IGHMBP2: variants seen among roughly 807,000 people sequenced by gnomAD.
IGHMBP2 encodes DNA-binding protein SMUBP-2.
In IGHMBP2, 81 loss-of-function variants were observed where a neutral mutation model predicts 96.0. The observed-to-expected ratio is 0.84, with a 90% CI of 0.71 to 1.01. The LOEUF (loss-of-function observed/expected upper bound fraction) is 1.01. Ranked by LOEUF, IGHMBP2 falls within the 50% of genes least tolerant of loss-of-function variation. The pLI, the probability that IGHMBP2 is intolerant of heterozygous loss-of-function variation, is 0.00. For missense variants in IGHMBP2, 1,227 were observed against 1,306.3 expected (o/e 0.94, Z 0.94); for synonymous variants, 557 against 548.9 (o/e 1.01, Z -0.21).
At position 68,914,981 on chromosome 11, in the gene IGHMBP2, C is replaced by G. The variant is rs1304304290; in HGVS notation, c.870C>G (p.Ala290=). ...CGGTTTTAGCGCGGAGCGACAGTGC[C>G]CAGATTGTTGCAGATATCAGGAAGG... ...LDAVLARSDS[A]QIVADIRKDI... The change falls in exon 6 of 15, where the codon GCC becomes GCG. Residue 290 remains alanine (A), a synonymous_variant. Transcript: ENST00000255078. 2 of 1,614,104 alleles carry G rather than the reference C, an allele frequency of 1.2e-6. No individual in the cohort carries two copies. Among genetic ancestry groups the G allele is most frequent in the Non-Finnish European group, 1.7e-6 (2 of 1,180,036 alleles).
chr11:68,906,270 A>T lies in IGHMBP2; in HGVS notation c.256+32A>T. ...GCGTATTGACCTAGACAGACATTGA[A>T]ATTTACTGGCATTCAGACCGTGACT... On this transcript the variant is annotated intron_variant, in intron 2 of 14. Transcript: ENST00000255078. 2.5e-6 allele frequency: 4 copies of T among 1,609,874 alleles called. 1 individual carries two copies. The South Asian group carries it at 4.4e-5, about 18-fold the overall frequency.
chr11:68,915,507 G>A (rs1858626475), intron 6 of IGHMBP2, among the ~76,000 whole-genome samples: 1 of 150,180 alleles, frequency 6.7e-6, no homozygotes, highest in Admixed American at 6.6e-5. Flanking sequence ...TTTTGAGATG[G>A]AGTCTCGCTC....
At chr11:68,915,166 C>CTTTTTGTTTTTTTTTTT (rs1858605944) in intron 6 of IGHMBP2, 143 bp downstream of exon 6, 1 of 176,576 alleles carries the variant, frequency 5.7e-6, no homozygotes, top group Non-Finnish European at 9.5e-6. Context: ...TTGGGCTGCC[C>CTTTTTGTTTTTTTTTTT]TTTTTTTTTT....
chr11:68,913,101 G>T (rs1361759484), intron 5 of IGHMBP2, among the ~76,000 whole-genome samples: 1 of 147,060 alleles, frequency 6.8e-6, no homozygotes, highest in African/African-American at 2.5e-5. Flanking sequence ...GAGAAACAAG[G>T]TCAAATGCCC....
At position 68,933,323 on chromosome 11, in the gene IGHMBP2, C is replaced by G. The variant is rs1345673085; in HGVS notation, c.1260C>G (p.Leu420=). 14 of 1,613,000 alleles carry G rather than the reference C, an allele frequency of 8.7e-6. No homozygotes were observed. The highest frequency in any genetic ancestry group is 1.1e-5 in the Non-Finnish European group (13 of 1,179,872). The change falls in exon 9 of 15, where the codon CTC becomes CTG. Residue 420 remains leucine, a synonymous_variant. Transcript: ENST00000255078. ...GGGCTGCGCTGGCAGGACTGTCACT[C>G]AGCCTGATGGAACGCCTGGCTGAGG... ...SHKAALAGLS[L]SLMERLAEEY...
In IGHMBP2 at chr11:68,938,198, T is replaced by C. The variant is rs1188811639; in HGVS notation, c.2628T>C (p.Asp876=). The C allele has an allele frequency of 6.2e-7, 1 of 1,613,964 alleles. No individual in the cohort carries two copies. Among genetic ancestry groups the C allele is most frequent in the Non-Finnish European group, 8.5e-7 (1 of 1,180,040 alleles). The change falls in exon 14 of 15, where the codon GAT becomes GAC. Residue 876 remains aspartate (D), a synonymous_variant. Transcript: ENST00000255078. ...CTTCTCCAGGACATCCGGCCACAGA[T>C]CTGCCCACGGAGGAGGACTTTGAGG... ...KKKAKGHPAT[D]LPTEEDFEAL... is the part of the protein sequence containing the mutation.
At chr11:68,926,526 C>T (rs530765473) in intron 7 of IGHMBP2, among the ~76,000 whole-genome samples, 137 of 152,206 alleles carry the variant, frequency 9.0e-4, no homozygotes, top group Middle Eastern at 3.4e-3. Flanking sequence ...GCCTCAGCCT[C>T]CCAAAGTGCT....
At position 68,910,312 on chromosome 11, in the gene IGHMBP2, C is replaced by T. The variant is rs115217131; in HGVS notation, c.548-1128C>T. Among the ~76,000 whole-genome samples the T allele has an allele frequency of 2.5e-3, 378 of 152,302 alleles. 1 individual carries two copies. Among genetic ancestry groups the T allele is most frequent in the African/African-American group, 7.4e-3 (306 of 41,572 alleles). ...AAATATTTACTGAAGGGCTCCTATGCGTCACAAACTGAATTAGAAATGTAT... is the reference window on the plus strand; with the variant it reads ...AAATATTTACTGAAGGGCTCCTATGTGTCACAAACTGAATTAGAAATGTAT... On this transcript the variant is annotated intron_variant, in intron 4 of 14. Coordinates refer to ENST00000255078, the MANE Select transcript of IGHMBP2 (RefSeq NM_002180.3).
chr11:68,909,949 C>T (rs1858366729), intron 4 of IGHMBP2, among the ~76,000 whole-genome samples: 1 of 152,194 alleles, frequency 6.6e-6, no homozygotes, highest in Non-Finnish European at 1.5e-5. Context: ...TTTTTATGTC[C>T]TTTGCTGTTC....
At chr11:68,910,080 T>G (rs1437576584) in intron 4 of IGHMBP2, among the ~76,000 whole-genome samples, 1 of 152,228 alleles carries the variant, frequency 6.6e-6, no homozygotes, top group African/African-American at 2.4e-5. Context: ...CCAAGCCTCA[T>G]GCAAGGGTTA....
At chr11:68,926,194 A>G (rs773914545) in intron 7 of IGHMBP2, 1 of 149,152 alleles carries the variant, frequency 6.7e-6, no homozygotes, top group Non-Finnish European at 1.5e-5. Flanking sequence ...TTTGCTGATC[A>G]TTCTCTCCTG....
intron 11 of IGHMBP2, 86 bp from the exon 12 acceptor site, chr11:68,935,213 G>A (rs556055659): frequency 2.3e-5 from 36 of 1,554,572 alleles, no homozygotes; most frequent in East Asian, 7.0e-5. Flanking sequence ...GTTTCACAGC[G>A]TGAGGCCCTC....
rs145953567 is a variant in IGHMBP2 at position 68,937,364 on chromosome 11, G to C, written c.2611+273G>C. Among the ~76,000 whole-genome samples, 1,993 of 152,360 alleles carry C rather than the reference G, an allele frequency of 0.013. 33 individuals carry two copies. The highest frequency in any genetic ancestry group is 0.026 in the Admixed American group (396 of 15,304). Reference sequence around the variant, plus strand: ...GAGCATGTCTGCAGCAGCAGGAGGGGCCTGGAAGAGCAAACATGGATGGCT... The same window carrying C: ...GAGCATGTCTGCAGCAGCAGGAGGGCCCTGGAAGAGCAAACATGGATGGCT... On this transcript the variant is annotated intron_variant, in intron 13 of 14. Coordinates refer to ENST00000255078, the MANE Select transcript of IGHMBP2 (RefSeq NM_002180.3).
intron 13 of IGHMBP2, 104 bp from the exon 14 acceptor site, chr11:68,938,078 A>T: frequency 1.6e-6 from 2 of 1,287,296 alleles, no homozygotes; most frequent in Non-Finnish European, 1.1e-6. Flanking sequence ...TGCTGGGATT[A>T]CAGGTGTGAG....
Position 68,938,370 on chromosome 11 carries a change from C to T in IGHMBP2, c.2784+16C>T. 6.3e-7 allele frequency: 1 copy of T among 1,596,590 alleles called. No homozygotes were observed. The highest frequency in any genetic ancestry group is 8.5e-7 in the Non-Finnish European group (1 of 1,172,876). On this transcript the variant is annotated intron_variant, in intron 14 of 14. Transcript: ENST00000255078. Reference sequence around the variant, plus strand: ...CCTGCCCGAGGTATGTCGGCCTCCCCTCCTGCGATCAAACAGTGGGGAGGG... The same window carrying T: ...CCTGCCCGAGGTATGTCGGCCTCCCTTCCTGCGATCAAACAGTGGGGAGGG...
Position 68,936,260 on chromosome 11 carries a change from G to T in IGHMBP2, c.1780G>T (p.Asp594Tyr), listed in dbSNP as rs1417895037. Reference sequence around the variant, plus strand: ...AGGTGAAGTTGGTTTTCTTGCTGAGGACCGGAGGATCAACGTGGCTGTCAC... The same window carrying T: ...AGGTGAAGTTGGTTTTCTTGCTGAGTACCGGAGGATCAACGTGGCTGTCAC... ...RKGEVGFLAEDRRINVAVTRA... is the reference protein window; with the variant it reads ...RKGEVGFLAEYRRINVAVTRA... Residue 594 changes from aspartate (D) to tyrosine (Y), a missense_variant, in exon 13 of 15, where the codon GAC (aspartate) becomes TAC (tyrosine). Transcript: ENST00000255078. 4 of 1,614,024 alleles carry T rather than the reference G, an allele frequency of 2.5e-6. No homozygotes were observed. Among genetic ancestry groups the T allele is most frequent in the Non-Finnish European group, 3.4e-6 (4 of 1,180,044 alleles).
At chr11:68,917,674 T>C in intron 6 of IGHMBP2, 62 bp from the exon 7 acceptor site, 1 of 1,306,606 alleles carries the variant, frequency 7.7e-7, no homozygotes, top group Admixed American at 1.7e-5. Flanking sequence ...ACTTCATAAA[T>C]AGAGTTGAAG....
At position 68,914,818 on chromosome 11, in the gene IGHMBP2, C is replaced by T. The variant is rs1273779717; in HGVS notation, c.712-5C>T. 2 of 1,614,178 alleles carry T rather than the reference C, an allele frequency of 1.2e-6. No homozygotes were observed. Among genetic ancestry groups the T allele is most frequent in the South Asian group, 1.1e-5 (1 of 91,092 alleles). On this transcript the variant is annotated splice_region_variant and splice_polypyrimidine_tract_variant and intron_variant, in intron 5 of 14. Coordinates refer to ENST00000255078, the MANE Select transcript of IGHMBP2 (RefSeq NM_002180.3). ...AATGACCAGATCCTAACTTGCGGTT[C>T]CCAGGTTCTGTGCTGCGCCCCCTCC...
At chr11:68,904,186 G>A in intron 1 of IGHMBP2, 148 bp downstream of exon 1, 1 of 708,648 alleles carries the variant, frequency 1.4e-6, no homozygotes, top group Non-Finnish European at 2.5e-6. Context: ...TCCCCTGCTT[G>A]GCCACCTCCC....
Sources: allele counts gnomAD v4.1 joint callset (sites outside exome capture counted in the v4.1 genomes callset), GRCh38; gene constraint gnomAD v4.1.1; transcripts MANE v1.5; gene names NCBI Gene and HGNC (gene_info 2026-07-23, HGNC 2026-07-21).